The following JARID2 variants were observed in gnomAD, a reference collection of about 807,000 sequenced individuals.
JARID2 encodes the protein protein Jumonji.
A neutral mutation model predicts 125.6 loss-of-function variants in JARID2; 21 were observed. That is an observed-to-expected ratio of 0.17 (90% CI 0.12 to 0.24). JARID2 has a LOEUF of 0.24. Ranked by LOEUF, JARID2 falls within the 10% of genes least tolerant of loss-of-function variation. The probability of loss-of-function intolerance (pLI) is 1.00; values close to 1 mark genes in which losing one functional copy is unlikely to be tolerated. For synonymous variants in JARID2, 736 were observed against 661.6 expected, an observed-to-expected ratio of 1.11 and a Z score of -1.73; for missense variants, 1,303 against 1,639.6, an observed-to-expected ratio of 0.79 and a Z score of 3.55.
chr6:15,411,984 A>G (rs566081044), intron 3 of JARID2, among the ~76,000 whole-genome samples: 7 of 152,340 alleles, frequency 4.6e-5, no homozygotes, highest in African/African-American at 1.2e-4. Context: ...GTATGGGACC[A>G]CAGTGTCATG....
At chr6:15,489,433 A>G (rs1429127396) in intron 6 of JARID2, among the ~76,000 whole-genome samples, 1 of 152,184 alleles carries the variant, frequency 6.6e-6, no homozygotes, top group Non-Finnish European at 1.5e-5. Context: ...ACGGGTGCGC[A>G]CATCCTCTTG....
intron 4 of JARID2, among the ~76,000 whole-genome samples, chr6:15,463,445 T>C (rs1260320069): frequency 2.3e-3 from 30 of 12,932 alleles, no homozygotes; most frequent in South Asian, 0.012. Flanking sequence ...TTTTTTTTTT[T>C]CCGAGGTGGA....
chr6:15,292,944 C>G (rs1469705870), intron 1 of JARID2, among the ~76,000 whole-genome samples: 4 of 152,208 alleles, frequency 2.6e-5, no homozygotes, highest in Admixed American at 1.3e-4. Flanking sequence ...GCTGAGATTA[C>G]AAGAGGCATG....
intron 1 of JARID2, among the ~76,000 whole-genome samples, chr6:15,249,181 T>C (rs972429313): frequency 5.3e-5 from 8 of 152,254 alleles, no homozygotes; most frequent in Non-Finnish European, 1.0e-4. Flanking sequence ...CAGGGAAAGC[T>C]GTGCTTTGTT....
At chr6:15,316,778 A>AG (rs1762194766) in intron 1 of JARID2, among the ~76,000 whole-genome samples, 2 of 152,178 alleles carry the variant, frequency 1.3e-5, no homozygotes, top group African/African-American at 4.8e-5. Flanking sequence ...CTGGGATTAC[A>AG]GGCAAGAGCC....
At chr6:15,485,668 TA>T (rs1367478418) in intron 5 of JARID2, among the ~76,000 whole-genome samples, 2 of 152,216 alleles carry the variant, frequency 1.3e-5, no homozygotes, top group Non-Finnish European at 2.9e-5. Flanking sequence ...TGGGAGAAGA[TA>T]TACGGAAGGG....
At chr6:15,453,499 C>T (rs960222959) in intron 4 of JARID2, among the ~76,000 whole-genome samples, 31 of 152,222 alleles carry the variant, frequency 2.0e-4, no homozygotes, top group African/African-American at 6.0e-4. Flanking sequence ...TTTCCACACT[C>T]GTGTTCATGC....
intron 3 of JARID2, among the ~76,000 whole-genome samples, chr6:15,426,040 C>T (rs1766711373): frequency 6.6e-6 from 1 of 152,130 alleles, no homozygotes; most frequent in Non-Finnish European, 1.5e-5. Context: ...GGAAACAGGC[C>T]TGTACCTGTT....
chr6:15,403,476 T>C (rs1175631412), intron 2 of JARID2, among the ~76,000 whole-genome samples: 1 of 152,140 alleles, frequency 6.6e-6, no homozygotes, highest in African/African-American at 2.4e-5. Flanking sequence ...TCTGAGGAAA[T>C]AGGAGATATC....
intron 1 of JARID2, among the ~76,000 whole-genome samples, chr6:15,333,556 A>G (rs529649336): frequency 6.6e-6 from 1 of 152,294 alleles, no homozygotes; most frequent in East Asian, 1.9e-4. Context: ...CAGTTCTTAG[A>G]ATGGTGGTTA....
chr6:15,371,781 G>A (rs1189182986), intron 1 of JARID2, among the ~76,000 whole-genome samples: 4 of 152,234 alleles, frequency 2.6e-5, no homozygotes, highest in South Asian at 4.1e-4. Context: ...GGCAAGGTTT[G>A]CTGGCTTCTC....
At chr6:15,247,622 G>A in intron 1 of JARID2, 1 of 984,604 alleles carries the variant, frequency 1.0e-6, no homozygotes, top group South Asian at 4.7e-5. Context: ...TAGACAAATT[G>A]GTGTTAATAT....
At chr6:15,283,260 G>C (rs953120290) in intron 1 of JARID2, among the ~76,000 whole-genome samples, 64 of 150,344 alleles carry the variant, frequency 4.3e-4, no homozygotes, top group Admixed American at 1.3e-3. Flanking sequence ...TTACAGGTGT[G>C]AGCCACTGCG....
intron 3 of JARID2, among the ~76,000 whole-genome samples, chr6:15,440,883 C>T (rs1767416974): frequency 6.6e-6 from 1 of 152,150 alleles, no homozygotes; most frequent in Admixed American, 6.5e-5. Flanking sequence ...CAAATGTTGT[C>T]AGAGACAATG....
chr6:15,437,905 CTT>C (rs1403359564), intron 3 of JARID2, among the ~76,000 whole-genome samples: 6 of 152,066 alleles, frequency 3.9e-5, no homozygotes, highest in Non-Finnish European at 7.4e-5. Flanking sequence ...AGAAAGGCCA[CTT>C]AAGAAGAACA....
chr6:15,320,123 C>T lies in JARID2; in HGVS notation c.46-53994C>T, dbSNP rs555731686. Among the ~76,000 whole-genome samples, 4 of 152,232 alleles carry T rather than the reference C, an allele frequency of 2.6e-5. No individual in the cohort carries two copies. In the South Asian group the frequency reaches 6.2e-4, roughly 24 times the overall value. The stretch of plus-strand genomic sequence containing the variant: ...GTTTCAAATATTTACCATGGTGAGC[C>T]GATCAGCTTCTGATCTATGTGGATC... On this transcript the variant is annotated intron_variant, in intron 1 of 17. Coordinates refer to ENST00000341776, the MANE Select transcript of JARID2 (RefSeq NM_004973.4).
rs1410816692 is a variant in JARID2 at position 15,468,546 on chromosome 6, T to C, written c.498T>C (p.Ser166=). Residue 166 remains serine (S), a synonymous_variant, in exon 5 of 18, where the codon TCT becomes TCC. Transcript: ENST00000341776. The stretch of plus-strand genomic sequence containing the variant: ...CTGTTTTTCTTATTCCACCAGGTTC[T>C]CCTGCGCTGCCCAACAGCATGGTGT... The part of the protein sequence containing the change: ...DFLTFLCLRG[S]PALPNSMVYF... 1 of 1,613,038 alleles carries C rather than the reference T, an allele frequency of 6.2e-7. No individual in the cohort carries two copies. Among genetic ancestry groups the C allele is most frequent in the Admixed American group, 1.7e-5 (1 of 59,824 alleles).
chr6:15,348,236 C>T (rs1415365796), intron 1 of JARID2, among the ~76,000 whole-genome samples: 4 of 151,594 alleles, frequency 2.6e-5, no homozygotes, highest in African/African-American at 4.8e-5. Context: ...GGATTACAGC[C>T]GCCCGCCACC....
At chr6:15,475,533 T>G (rs543871353) in intron 5 of JARID2, among the ~76,000 whole-genome samples, 63 of 152,298 alleles carry the variant, frequency 4.1e-4, no homozygotes, top group Admixed American at 2.5e-3. Flanking sequence ...TTCTTCAACA[T>G]AAACCCACTA....
Sources: allele counts gnomAD v4.1 joint callset (sites outside exome capture counted in the v4.1 genomes callset), GRCh38; gene constraint gnomAD v4.1.1; transcripts MANE v1.5; gene names NCBI Gene and HGNC (gene_info 2026-07-23, HGNC 2026-07-21).